Variants in USP25 observed in about 807,000 individuals in gnomAD.
The protein encoded by USP25 is ubiquitin specific peptidase 25.
Under a neutral mutation model 158.5 loss-of-function variants are expected in USP25, and 85 were observed. The ratio of observed to expected loss-of-function variants is 0.54; its 90% confidence interval spans 0.45 to 0.64. The LOEUF (loss-of-function observed/expected upper bound fraction) is 0.64. Ranked by LOEUF, USP25 falls within the 30% of genes least tolerant of loss-of-function variation. The pLI is 0.00. For synonymous variants in USP25, 464 were observed against 460.4 expected, an observed-to-expected ratio of 1.01 and a Z score of -0.10; for missense variants, 1,242 against 1,327.3, an observed-to-expected ratio of 0.94 and a Z score of 1.00.
chr21:15,741,979 C>G (rs145636986), intron 1 of USP25, among the ~76,000 whole-genome samples: 1 of 151,956 alleles, frequency 6.6e-6, no homozygotes, highest in African/African-American at 2.4e-5. Flanking sequence ...TTTATTACAC[C>G]GTGTACAAAA....
At chr21:15,857,392 A>G (rs913344083) in intron 20 of USP25, among the ~76,000 whole-genome samples, 2 of 152,300 alleles carry the variant, frequency 1.3e-5, no homozygotes, top group Middle Eastern at 3.4e-3. Flanking sequence ...TTTAAATACT[A>G]GTATTATCAA....
At chr21:15,787,281 A>G (rs1169976038) in intron 4 of USP25, among the ~76,000 whole-genome samples, 1 of 152,162 alleles carries the variant, frequency 6.6e-6, no homozygotes. Context: ...ACCACAAGAG[A>G]GCCCAAATAG....
At chr21:15,813,248 G>T (rs540459626) in intron 9 of USP25, among the ~76,000 whole-genome samples, 1 of 151,988 alleles carries the variant, frequency 6.6e-6, no homozygotes, top group East Asian at 1.9e-4. Context: ...AAATATTTTC[G>T]TTTTTTCCAC....
chr21:15,812,748 T>C (rs185346142), intron 9 of USP25, among the ~76,000 whole-genome samples: 1 of 152,216 alleles, frequency 6.6e-6, no homozygotes, highest in Non-Finnish European at 1.5e-5. Flanking sequence ...AAAGGTGGCC[T>C]TAATACGTTT....
intron 20 of USP25, among the ~76,000 whole-genome samples, chr21:15,850,754 C>G (rs13052256): frequency 0.02 from 3,056 of 151,962 alleles, 51 homozygotes; most frequent in Admixed American, 0.032. Flanking sequence ...TTTCAGTATA[C>G]AGTACAAAAC....
At chr21:15,851,801 C>T (rs374151281) in intron 20 of USP25, among the ~76,000 whole-genome samples, 115 of 152,032 alleles carry the variant, frequency 7.6e-4, no homozygotes, top group Middle Eastern at 3.4e-3. Flanking sequence ...GCTTTATGAC[C>T]TGCCCCAATC....
intron 7 of USP25, among the ~76,000 whole-genome samples, chr21:15,806,999 C>G (rs562272522): frequency 2.6e-5 from 4 of 152,084 alleles, no homozygotes; most frequent in Non-Finnish European, 4.4e-5. Context: ...CAATGGCTCA[C>G]TGCAGCATCA....
At position 15,766,160 on chromosome 21, in the gene USP25, C is replaced by T. The variant is rs2034026612; in HGVS notation, c.268+19C>T. 2 of 1,575,406 alleles carry T rather than the reference C, an allele frequency of 1.3e-6. No individual in the cohort carries two copies. Among genetic ancestry groups the T allele is most frequent in the South Asian group, 1.2e-5 (1 of 85,516 alleles). ...GATACAAGTAAGTTTTCTTTCTTTT[C>T]TTATTATTTTAATAGAAACATACTG... On this transcript the variant is annotated intron_variant, in intron 3 of 25. Transcript: ENST00000400183. The surrounding 1 kb of genome is among the most constrained non-coding windows in gnomAD (Gnocchi z 4.0).
chr21:15,807,331 T>TA lies in USP25; in HGVS notation c.781-1477dup, dbSNP rs1354871750. Among the ~76,000 whole-genome samples, 13 of 152,316 alleles carry TA rather than the reference T, an allele frequency of 8.5e-5. No individual in the cohort carries two copies. The East Asian group carries it at 2.5e-3, about 29-fold the overall frequency. On this transcript the variant is annotated intron_variant, in intron 7 of 25. Coordinates refer to ENST00000400183, the MANE Select transcript of USP25 (RefSeq NM_001283041.3). The stretch of plus-strand genomic sequence containing the variant: ...AAGATAGGGATTAACTTCTGAAAAA[T>TA]ATTGTGTTAGCTAGGAAACCTTATT...
rs377441996 is a variant in USP25, at chr21:15,842,359, G to A, written c.2195-39G>A. On this transcript the variant is annotated intron_variant, in intron 17 of 25. Coordinates refer to ENST00000400183, the MANE Select transcript of USP25 (RefSeq NM_001283041.3). Reference sequence around the variant, plus strand: ...GATTTATCTTAGTATAGACTCTGTGGTTTATATTAGATATATAATTGATTC... The same window carrying A: ...GATTTATCTTAGTATAGACTCTGTGATTTATATTAGATATATAATTGATTC... 5 of 1,599,212 alleles carry A rather than the reference G, an allele frequency of 3.1e-6. No homozygotes were observed. The Admixed American group carries it at 7.0e-5, about 22-fold the overall frequency.
At position 15,833,513 on chromosome 21, in the gene USP25, A is replaced by C. The variant is rs1340671927; in HGVS notation, c.2159A>C (p.Gln720Pro). 6.2e-7 allele frequency: 1 copy of C among 1,614,020 alleles called. No homozygotes were observed. The highest frequency in any genetic ancestry group is 1.3e-5 in the African/African-American group (1 of 75,060). Residue 720 changes from glutamine to proline, a missense_variant, in exon 17 of 26, where the codon CAG (glutamine) becomes CCG (proline). Physicochemically the swap from Gln to Pro is moderately conservative, Grantham distance 76 (BLOSUM62 -1). Around this residue, in one of 3 missense-constraint regions of USP25, gnomAD observed 608 missense variants for 605.2 expected, o/e 1.00. Transcript: ENST00000400183. ...TTGCAGGAAAAGCTTTTAGCGTCTC[A>C]GAAATTGAGAGAGTCAGAGACTTCT... ...KALQEKLLASQKLRESETSVT... is the reference protein window; with the variant it reads ...KALQEKLLASPKLRESETSVT...
At chr21:15,878,215 TA>T in intron 25 of USP25, 87 bp from the exon 26 acceptor site, 1 of 1,491,928 alleles carries the variant, frequency 6.7e-7, no homozygotes. Flanking sequence ...TCTTACCTAT[TA>T]GAGTAAGTTA....
In USP25 at chr21:15,842,424, C is replaced by G. The variant is rs781320884; in HGVS notation, c.2221C>G (p.Leu741Val). 1.9e-6 allele frequency: 3 copies of G among 1,613,456 alleles called. No individual in the cohort carries two copies. Among genetic ancestry groups the G allele is most frequent in the African/African-American group, 2.7e-5 (2 of 74,848 alleles). ...ACAAGCAGCAGGAGACCCAGAATATCTAGAGCAGCCATCAAGAAGTGATTT... is the reference window on the plus strand; with the variant it reads ...ACAAGCAGCAGGAGACCCAGAATATGTAGAGCAGCCATCAAGAAGTGATTT... ...TAQAAGDPEY[L>V]EQPSRSDFSK... The change falls in exon 18 of 26, where the codon CTA (leucine) becomes GTA (valine). Residue 741 changes from leucine to valine, a missense_variant. By Grantham distance (32) the Leu-to-Val change is conservative (BLOSUM62 1). This residue lies in a region of USP25 where 608 missense variants were observed against 605.2 expected (regional missense o/e 1.00). Coordinates refer to ENST00000400183, the MANE Select transcript of USP25 (RefSeq NM_001283041.3).
chr21:15,763,015 T>G, intron 2 of USP25, 47 bp downstream of exon 2: 1 of 1,520,582 alleles, frequency 6.6e-7, no homozygotes, highest in Non-Finnish European at 8.9e-7. Context: ...TATGCTCATC[T>G]CTAGTGCGTA....
At chr21:15,858,784 C>T (rs764676211) in intron 20 of USP25, among the ~76,000 whole-genome samples, 13 of 151,672 alleles carry the variant, frequency 8.6e-5, no homozygotes, top group South Asian at 2.1e-4. Flanking sequence ...GTTTTGGTTC[C>T]GCTTTATGAA....
At chr21:15,864,975 G>A (rs2039593773) in intron 21 of USP25, among the ~76,000 whole-genome samples, 1 of 151,964 alleles carries the variant, frequency 6.6e-6, no homozygotes, top group Non-Finnish European at 1.5e-5. Flanking sequence ...AACATTCTTT[G>A]ACATAAAGAG....
chr21:15,874,382 T>C, intron 23 of USP25, 21 bp from the exon 24 acceptor site: 1 of 1,577,614 alleles, frequency 6.3e-7, no homozygotes, highest in Non-Finnish European at 8.6e-7. Flanking sequence ...TAATGTTATA[T>C]GTTTCTTTTT....
At position 15,730,336 on chromosome 21, in the gene USP25, G is replaced by T; in HGVS notation, c.-58G>T. 9.1e-7 allele frequency: 1 copy of T among 1,096,562 alleles called. No homozygotes were observed. Among genetic ancestry groups the T allele is most frequent in the Non-Finnish European group, 1.1e-6 (1 of 903,036 alleles). 67.9% of individuals were successfully genotyped at this position (1,096,562 alleles called of 1,614,324 possible). ...CGGCGGAGCGCGGCAGCCAGGGCCG[G>T]CGGAGGCGCGAGGAGCCGGGCGCCA... On this transcript the variant is annotated 5_prime_UTR_variant, in exon 1 of 26. Transcript: ENST00000400183.
intron 1 of USP25, among the ~76,000 whole-genome samples, chr21:15,752,208 C>T (rs562854978): frequency 6.6e-6 from 1 of 152,174 alleles, no homozygotes; most frequent in African/African-American, 2.4e-5. Flanking sequence ...GTTGGGATTA[C>T]AGGCGTGAGC....
Sources: gnomAD v4.1 joint callset for allele counts (sites outside exome capture counted in the v4.1 genomes callset) on GRCh38, gnomAD v4.1.1 for gene constraint, gnomAD v4.1.1 regional missense constraint, Gnocchi (gnomAD v3.1) non-coding constraint, MANE v1.5 for transcripts, NCBI Gene and HGNC (gene_info 2026-07-23, HGNC 2026-07-21) for gene names.